The following CUX1 variants were observed in gnomAD, a reference collection of about 807,000 sequenced individuals.
CUX1 encodes protein CASP.
In CUX1, 31 loss-of-function variants were observed where a neutral mutation model predicts 158.8. The ratio of observed to expected loss-of-function variants is 0.20; its 90% CI spans 0.15 to 0.26. The LOEUF (loss-of-function observed/expected upper bound fraction) is 0.26, where lower values mean the gene tolerates loss of function less well. Among genes scored for constraint, CUX1 ranks in the 10% least tolerant of loss-of-function variants. The pLI is 1.00. For synonymous variants in CUX1, 879 were observed against 862.1 expected, an observed-to-expected ratio of 1.02 and a Z score of -0.34; for missense variants, 1,589 against 2,014.6, an observed-to-expected ratio of 0.79 and a Z score of 4.04.
In CUX1 at chr7:101,901,700, A is replaced by C. The variant is rs1802166374; in HGVS notation, c.31-14415A>C. Among the ~76,000 whole-genome samples, 5 of 152,124 alleles carry C rather than the reference A, an allele frequency of 3.3e-5. No individual in the cohort carries two copies. In the South Asian group the frequency reaches 1.0e-3, roughly 32 times the overall value. Reference sequence around the variant, plus strand: ...AAGCGTATATGTCCCGGGCACACACACACTAGGTGGTTTGTTTTGTTCCCC... The same window carrying C: ...AAGCGTATATGTCCCGGGCACACACCCACTAGGTGGTTTGTTTTGTTCCCC... On this transcript the variant is annotated intron_variant, in intron 1 of 23. Transcript: ENST00000292535.
downstream of CUX1, among the ~76,000 whole-genome samples, chr7:102,259,887 G>C (rs1790262004): frequency 6.6e-6 from 1 of 151,944 alleles, no homozygotes; most frequent in Non-Finnish European, 1.5e-5. Flanking sequence ...CTTGAGCCCA[G>C]GAGTTTGAGA....
chr7:102,026,843 A>AC (rs1491051566), intron 2 of CUX1, among the ~76,000 whole-genome samples: 2 of 138,176 alleles, frequency 1.4e-5, no homozygotes, highest in African/African-American at 5.4e-5. Flanking sequence ...AAAAAAAAAA[A>AC]ACATAGTTTC....
At chr7:101,881,015 C>T (rs1249529697) in intron 1 of CUX1, among the ~76,000 whole-genome samples, 2 of 152,154 alleles carry the variant, frequency 1.3e-5, no homozygotes, top group African/African-American at 2.4e-5. Flanking sequence ...GGGAGCCCCC[C>T]GCAGTTTGAT....
At position 102,255,075 on chromosome 7, in the gene CUX1, G is replaced by GC. The variant is rs1242142356; in HGVS notation, c.*6039dup. On this transcript the variant is annotated 3_prime_UTR_variant, in exon 24 of 24. Coordinates refer to ENST00000292535, the MANE Select transcript of CUX1 (RefSeq NM_181552.4). ...AAAACAAGCCCCAGCCCTACTCCCG[G>GC]CCCCCCAGCCCAGTCTTCCCAATCC... The GC allele has an allele frequency of 3.0e-6, 3 of 985,278 alleles. No homozygotes were observed. The highest frequency in any genetic ancestry group is 1.7e-5 in the African/African-American group (1 of 57,180). The allele number at this position is 985,278 out of a possible 1,614,324, so 61.0% of individuals were successfully genotyped here.
intron 10 of CUX1, among the ~76,000 whole-genome samples, chr7:102,175,922 C>T (rs1224264538): frequency 6.6e-6 from 1 of 152,242 alleles, no homozygotes; most frequent in African/African-American, 2.4e-5. Flanking sequence ...CACTTATTCT[C>T]GATTTCTGTA....
chr7:101,853,660 T>C (rs1409036110), intron 1 of CUX1, among the ~76,000 whole-genome samples: 1 of 151,350 alleles, frequency 6.6e-6, no homozygotes, highest in Non-Finnish European at 1.5e-5. Context: ...CCACCGTAAG[T>C]AATTAACCCA....
At chr7:101,915,956 C>T (rs1337576136) in intron 1 of CUX1, among the ~76,000 whole-genome samples, 159 bp from the exon 2 acceptor site, 1 of 152,080 alleles carries the variant, frequency 6.6e-6, no homozygotes, top group Admixed American at 6.5e-5. Context: ...CATTTCTCTG[C>T]CTTCCCGCCA....
At chr7:102,161,576 G>A (rs1319772252) in intron 9 of CUX1, among the ~76,000 whole-genome samples, 1 of 152,154 alleles carries the variant, frequency 6.6e-6, no homozygotes, top group African/African-American at 2.4e-5. Flanking sequence ...TGGCAGCAAG[G>A]AGTCCGTGCC....
intron 11 of CUX1, among the ~76,000 whole-genome samples, chr7:102,187,390 C>T (rs1285901843): frequency 1.3e-5 from 2 of 152,004 alleles, no homozygotes; most frequent in Non-Finnish European, 2.9e-5. Context: ...GAGTTGCCAA[C>T]ATCTGAACTG....
chr7:101,916,486 G>A lies in CUX1; in HGVS notation c.141+261G>A. 1 of 373,176 alleles carries A rather than the reference G, an allele frequency of 2.7e-6. No homozygotes were observed. Among genetic ancestry groups the A allele is most frequent in the Non-Finnish European group, 5.2e-6 (1 of 191,896 alleles). The allele number at this position is 373,176 out of a possible 1,614,324, so 23.1% of individuals were successfully genotyped here. ...CAGGTGCAGATACTGGACAAGCTTGGTCTGTAAGAACACGTGGGCAGGTGT... is the reference window on the plus strand; with the variant it reads ...CAGGTGCAGATACTGGACAAGCTTGATCTGTAAGAACACGTGGGCAGGTGT... On this transcript the variant is annotated intron_variant, in intron 2 of 23. Coordinates refer to ENST00000292535, the MANE Select transcript of CUX1 (RefSeq NM_181552.4). The surrounding 1 kb of genome is among the most constrained non-coding windows in gnomAD (Gnocchi z 4.4).
intron 21 of CUX1, among the ~76,000 whole-genome samples, chr7:102,228,318 G>A (rs1554529462): frequency 6.6e-6 from 1 of 152,038 alleles, no homozygotes; most frequent in Non-Finnish European, 1.5e-5. Context: ...TGAGGCCACA[G>A]TCTGAGACCA....
chr7:102,202,935 A>T (rs555863751), intron 18 of CUX1, among the ~76,000 whole-genome samples: 1 of 152,234 alleles, frequency 6.6e-6, no homozygotes, highest in East Asian at 1.9e-4. Flanking sequence ...GTGCCTGCCA[A>T]ATCTAAAATA....
chr7:102,118,703 C>A (rs1831694648), intron 8 of CUX1, among the ~76,000 whole-genome samples: 1 of 152,174 alleles, frequency 6.6e-6, no homozygotes, highest in South Asian at 2.1e-4. Flanking sequence ...CTGACCTGTA[C>A]AATGGGCATA....
intron 6 of CUX1, among the ~76,000 whole-genome samples, chr7:102,104,749 G>A (rs1008910526): frequency 2.6e-5 from 4 of 151,992 alleles, no homozygotes; most frequent in Non-Finnish European, 5.9e-5. Context: ...AAAAAAATTA[G>A]CCAGGCATGG....
chr7:102,127,972 T>A (rs574203536), intron 8 of CUX1, among the ~76,000 whole-genome samples: 1 of 152,204 alleles, frequency 6.6e-6, no homozygotes, highest in Non-Finnish European at 1.5e-5. Flanking sequence ...CTCGGCCTCC[T>A]GAGTAGCTGG....
At chr7:102,124,114 A>G (rs534861550) in intron 8 of CUX1, among the ~76,000 whole-genome samples, 14 of 152,296 alleles carry the variant, frequency 9.2e-5, no homozygotes, top group African/African-American at 3.4e-4. Flanking sequence ...AGGTAAGCCT[A>G]GGGATCTTGC....
At chr7:101,897,631 C>A (rs561048809) in intron 1 of CUX1, among the ~76,000 whole-genome samples, 2 of 152,176 alleles carry the variant, frequency 1.3e-5, no homozygotes, top group African/African-American at 2.4e-5. Flanking sequence ...AGTATCACAG[C>A]GCAGGTCATG....
chr7:102,042,639 A>G (rs1239869605), intron 3 of CUX1, among the ~76,000 whole-genome samples: 1 of 152,120 alleles, frequency 6.6e-6, no homozygotes, highest in Admixed American at 6.5e-5. Context: ...TCCATCCTTT[A>G]GGGCTGAACC....
At chr7:101,824,388 C>A (rs1016483432) in intron 1 of CUX1, 1 of 152,240 alleles carries the variant, frequency 6.6e-6, no homozygotes, top group African/African-American at 2.4e-5. Context: ...CGTGCCTGGC[C>A]TCCACTCTTT....
Sources: allele counts gnomAD v4.1 joint callset (sites outside exome capture counted in the v4.1 genomes callset), GRCh38; gene constraint gnomAD v4.1.1; non-coding constraint Gnocchi (gnomAD v3.1); transcripts MANE v1.5; gene names NCBI Gene and HGNC (gene_info 2026-07-23, HGNC 2026-07-21).